ZCCHC2: variants seen among roughly 807,000 people sequenced by gnomAD.
The protein encoded by ZCCHC2 is zinc finger CCHC-type containing 2, also known as zinc finger CCHC domain-containing protein 2.
ZCCHC2 carries 39 observed loss-of-function variants against 103.6 expected under a neutral mutation model. The observed-to-expected ratio is 0.38, with a 90% CI of 0.29 to 0.49. The LOEUF (loss-of-function observed/expected upper bound fraction) is 0.49, where lower values mean the gene tolerates loss of function less well. Ranked by LOEUF, ZCCHC2 falls within the 20% of genes least tolerant of loss-of-function variation. The probability of loss-of-function intolerance (pLI) is 0.96; values close to 1 mark genes in which losing one functional copy is unlikely to be tolerated. For synonymous variants in ZCCHC2, 687 were observed against 608.9 expected, an observed-to-expected ratio of 1.13 and a Z score of -1.89; for missense variants, 1,483 against 1,491.0, an observed-to-expected ratio of 0.99 and a Z score of 0.09.
At chr18:62,535,414 A>G (rs1237490406) in intron 1 of ZCCHC2, among the ~76,000 whole-genome samples, 1 of 152,198 alleles carries the variant, frequency 6.6e-6, no homozygotes, top group Non-Finnish European at 1.5e-5. Flanking sequence ...TAAAGAACAG[A>G]ATTACCCCCA....
In ZCCHC2 at chr18:62,577,471, A is replaced by G. The variant is rs981361937; in HGVS notation, c.*892A>G. On this transcript the variant is annotated 3_prime_UTR_variant, in exon 14 of 14. Transcript: ENST00000269499. Reference sequence around the variant, plus strand: ...CTTGTCTACCACCGTGTTGTGCTCAAAGAGACACTACTTGAGTGAAGATTT... The same window carrying G: ...CTTGTCTACCACCGTGTTGTGCTCAGAGAGACACTACTTGAGTGAAGATTT... 5 of 152,454 alleles carry G rather than the reference A, an allele frequency of 3.3e-5. No individual in the cohort carries two copies. The highest frequency in any genetic ancestry group is 6.5e-5 in the Admixed American group (1 of 15,284). The allele number at this position is 152,454 out of a possible 1,614,324, so 9.4% of individuals were successfully genotyped here.
At chr18:62,542,252 T>G (rs1333757411) in intron 2 of ZCCHC2, among the ~76,000 whole-genome samples, 1 of 152,194 alleles carries the variant, frequency 6.6e-6, no homozygotes, top group Non-Finnish European at 1.5e-5. Context: ...GTGTTTGAAT[T>G]TACTTAAACA....
chr18:62,579,355 T>C (rs1200695523), downstream of ZCCHC2, among the ~76,000 whole-genome samples: 2 of 152,194 alleles, frequency 1.3e-5, no homozygotes, highest in Non-Finnish European at 2.9e-5. Context: ...TAATCCAGGC[T>C]CAAAGTTTTT....
intron 8 of ZCCHC2, among the ~76,000 whole-genome samples, chr18:62,561,780 C>G (rs1916128280): frequency 6.6e-6 from 1 of 152,230 alleles, no homozygotes; most frequent in South Asian, 2.1e-4. Flanking sequence ...GCATTTCCCT[C>G]TGATTACTTT....
intron 6 of ZCCHC2, 136 bp downstream of exon 6, chr18:62,556,433 A>G (rs1455627185): frequency 1.5e-6 from 1 of 680,830 alleles, no homozygotes; most frequent in Admixed American, 3.1e-5. Context: ...GTCATTTTTA[A>G]TGAGTTTTTA....
exon 15 of ZCCHC2, chr18:62,585,408 A>G (rs1388362172): frequency 6.6e-6 from 1 of 152,242 alleles, no homozygotes; most frequent in Admixed American, 6.5e-5. Flanking sequence ...CTCCAAAGGC[A>G]AAGATGGATG....
At chr18:62,576,096 T>C (rs1916831884) in intron 13 of ZCCHC2, among the ~76,000 whole-genome samples, 1 of 151,680 alleles carries the variant, frequency 6.6e-6, no homozygotes, top group Admixed American at 6.6e-5. Context: ...ACTATTTTGA[T>C]TTGAGAGTAA....
intron 2 of ZCCHC2, among the ~76,000 whole-genome samples, chr18:62,542,136 G>A (rs547365309): frequency 2.2e-4 from 34 of 152,184 alleles, no homozygotes; most frequent in South Asian, 6.2e-4. Flanking sequence ...TTAAAATGCC[G>A]TATTTGTGGT....
chr18:62,555,420 A>G (rs191538630), intron 5 of ZCCHC2, among the ~76,000 whole-genome samples: 2 of 152,332 alleles, frequency 1.3e-5, no homozygotes, highest in African/African-American at 2.4e-5. Flanking sequence ...ATGATATATG[A>G]TAACTACATA....
At chr18:62,579,507 C>T (rs1916984932), downstream of ZCCHC2, among the ~76,000 whole-genome samples, 4 of 152,170 alleles carry the variant, frequency 2.6e-5, no homozygotes, top group South Asian at 6.2e-4. Flanking sequence ...CCTCTGGATC[C>T]GGTTGGGTGG....
intron 3 of ZCCHC2, 97 bp from the exon 4 acceptor site, chr18:62,544,705 A>G: frequency 1.0e-6 from 1 of 968,056 alleles, no homozygotes; most frequent in South Asian, 1.6e-5. Context: ...ATCTTAGTAA[A>G]ATTTAAGTAA....
intron 1 of ZCCHC2, chr18:62,526,876 C>T (rs1368370383): frequency 6.6e-6 from 1 of 152,030 alleles, no homozygotes; most frequent in Non-Finnish European, 1.5e-5. Context: ...CTTTTGGCCT[C>T]TTCCCGCGGA....
At chr18:62,531,781 C>T (rs1914685313) in intron 1 of ZCCHC2, among the ~76,000 whole-genome samples, 1 of 125,468 alleles carries the variant, frequency 8.0e-6, no homozygotes, top group Non-Finnish European at 1.6e-5. Flanking sequence ...ATCCCCATCT[C>T]TACAAAAAGT....
At chr18:62,560,895 C>G (rs1414563849) in intron 8 of ZCCHC2, among the ~76,000 whole-genome samples, 1 of 151,050 alleles carries the variant, frequency 6.6e-6, no homozygotes, top group Admixed American at 6.6e-5. Context: ...AATGAAAGTT[C>G]TTCTAGTGGC....
At chr18:62,526,805 G>C (rs975149464) in intron 1 of ZCCHC2, 1 of 151,166 alleles carries the variant, frequency 6.6e-6, no homozygotes, top group African/African-American at 2.4e-5. Context: ...CCCCCGCCCT[G>C]CAAGATGGCG....
At chr18:62,572,814 T>G (rs1916645634) in intron 12 of ZCCHC2, among the ~76,000 whole-genome samples, 1 of 152,214 alleles carries the variant, frequency 6.6e-6, no homozygotes, top group Non-Finnish European at 1.5e-5. Context: ...CTTAACATTT[T>G]TATCTTTGAC....
Position 62,576,538 on chromosome 18 carries a change from C to T in ZCCHC2, c.3496C>T (p.Pro1166Ser), listed in dbSNP as rs1916849702. ...CACTTACAGACTGAGATACGCACCT[C>T]CCCTCCCCCCTTCTAATGATACGTT... ...QGTYRLRYAP[P>S]LPPSNDTLDS... Residue 1166 changes from proline (P) to serine (S), a missense_variant, in exon 14 of 14, where the codon CCC becomes TCC. Physicochemically the swap from Pro to Ser is moderately conservative, Grantham distance 74. This residue lies in a region of ZCCHC2 where 884 missense variants were observed against 907.5 expected (regional missense o/e 0.97). Transcript: ENST00000269499. 1.2e-6 allele frequency: 2 copies of T among 1,613,682 alleles called. No individual in the cohort carries two copies. The highest frequency in any genetic ancestry group is 1.3e-5 in the African/African-American group (1 of 75,018).
chr18:62,570,904 C>G (rs879799360), intron 12 of ZCCHC2, among the ~76,000 whole-genome samples: 1 of 152,168 alleles, frequency 6.6e-6, no homozygotes, highest in Non-Finnish European at 1.5e-5. Flanking sequence ...TTCCTCGTTG[C>G]ACAGAGGCTT....
rs1262376747 is a variant in ZCCHC2, at chr18:62,578,070, T to C, written c.*1491T>C. 6.6e-6 allele frequency: 1 copy of C among 152,546 alleles called. No homozygotes were observed. The highest frequency in any genetic ancestry group is 6.6e-5 in the Admixed American group (1 of 15,264). 9.4% of individuals were successfully genotyped at this position (152,546 alleles called of 1,614,324 possible). On this transcript the variant is annotated 3_prime_UTR_variant, in exon 14 of 14. Transcript: ENST00000269499. ...CAGATTGCTAGACAAGAGAAAAAAC[T>C]TGAAGAAAAAAGAAGCTTAATTTCA...
Sources: allele counts gnomAD v4.1 joint callset (sites outside exome capture counted in the v4.1 genomes callset), GRCh38; gene constraint gnomAD v4.1.1; regional missense constraint gnomAD v4.1.1; transcripts MANE v1.5; gene names NCBI Gene and HGNC (gene_info 2026-07-23, HGNC 2026-07-21).